RGS7: variants seen among roughly 807,000 people sequenced by gnomAD.
RGS7 encodes the protein regulator of G protein signaling 7.
In RGS7, 27 loss-of-function variants were observed where a neutral mutation model predicts 81.1. The observed-to-expected ratio is 0.33, with a 90% CI of 0.25 to 0.46. The LOEUF (loss-of-function observed/expected upper bound fraction) is 0.46. Among genes scored for constraint, RGS7 ranks in the 20% least tolerant of loss-of-function variants. RGS7 has a pLI of 1.00. For missense variants in RGS7, 396 were observed against 607.4 expected (o/e 0.65, Z 3.66); for synonymous variants, 208 against 207.7 (o/e 1.00, Z -0.01).
chr1:241,118,333 T>C (rs142285690), intron 2 of RGS7, among the ~76,000 whole-genome samples: 113 of 152,342 alleles, frequency 7.4e-4, no homozygotes, highest in African/African-American at 2.5e-3. Flanking sequence ...TCTCATTTTA[T>C]TTAATGCCAA....
chr1:241,096,010 G>A (rs1161829982), intron 3 of RGS7, among the ~76,000 whole-genome samples: 2 of 152,282 alleles, frequency 1.3e-5, no homozygotes, highest in East Asian at 1.9e-4. Flanking sequence ...CAACATTTGC[G>A]ATCCTTCCTT....
chr1:240,833,686 A>C lies in RGS7; in HGVS notation c.610-6514T>G, dbSNP rs114786455. The stretch of plus-strand genomic sequence containing the variant: ...ATACAGTACAAGTTATAAAAACTGC[A>C]TGCATGATCCATAGTACCCCAGTAA... On this transcript the variant is annotated intron_variant, in intron 9 of 18. Transcript: ENST00000440928. Among the ~76,000 whole-genome samples the C allele has an allele frequency of 4.7e-3, 710 of 152,318 alleles. 9 individuals are homozygous for C. Among genetic ancestry groups the C allele is most frequent in the African/African-American group, 0.017 (688 of 41,570 alleles).
chr1:241,133,617 GA>G (rs2067280195), intron 2 of RGS7, among the ~76,000 whole-genome samples: 1 of 152,024 alleles, frequency 6.6e-6, no homozygotes, highest in Admixed American at 6.6e-5. Context: ...AATTTGAATT[GA>G]AAAATATAGT....
At chr1:241,083,102 G>C (rs533144226) in intron 3 of RGS7, among the ~76,000 whole-genome samples, 97 of 151,830 alleles carry the variant, frequency 6.4e-4, no homozygotes, top group Non-Finnish European at 1.2e-3. Context: ...GTACCTGCTT[G>C]TAATCCCAGC....
chr1:240,888,716 T>C (rs1420136536), intron 6 of RGS7, among the ~76,000 whole-genome samples: 1 of 152,048 alleles, frequency 6.6e-6, no homozygotes, highest in African/African-American at 2.4e-5. Flanking sequence ...ACTTTCCCAT[T>C]TTGCTGATGA....
At chr1:241,170,209 G>A (rs1387444228) in intron 2 of RGS7, among the ~76,000 whole-genome samples, 1 of 152,036 alleles carries the variant, frequency 6.6e-6, no homozygotes, top group African/African-American at 2.4e-5. Context: ...ATGTGTTCCA[G>A]TCACCACTCC....
intron 2 of RGS7, among the ~76,000 whole-genome samples, chr1:241,279,478 A>G (rs1401862506): frequency 6.6e-6 from 1 of 152,212 alleles, no homozygotes; most frequent in Non-Finnish European, 1.5e-5. Flanking sequence ...CCTATGTCCT[A>G]TATATTTTTT....
chr1:240,849,134 A>G (rs1200327847), intron 9 of RGS7, among the ~76,000 whole-genome samples: 1 of 152,182 alleles, frequency 6.6e-6, no homozygotes, highest in Non-Finnish European at 1.5e-5. Context: ...GAATAATTCT[A>G]TCATGTGGTG....
At chr1:240,813,806 T>A in intron 12 of RGS7, 78 bp from the exon 13 acceptor site, 1 of 902,390 alleles carries the variant, frequency 1.1e-6, no homozygotes. Context: ...GAAAACAATA[T>A]AAAAATGTGG....
intron 2 of RGS7, among the ~76,000 whole-genome samples, chr1:241,239,061 C>G (rs1417256096): frequency 3.3e-5 from 5 of 150,770 alleles, no homozygotes; most frequent in African/African-American, 1.2e-4. Flanking sequence ...CTCCGCCTCC[C>G]GGGTTCAAGC....
chr1:241,317,437 T>G (rs1023703041), intron 2 of RGS7, among the ~76,000 whole-genome samples: 1 of 152,210 alleles, frequency 6.6e-6, no homozygotes, highest in East Asian at 1.9e-4. Flanking sequence ...TTAGAATTAT[T>G]TGGAGCCAAA....
chr1:241,082,982 T>A (rs924391970), intron 3 of RGS7, among the ~76,000 whole-genome samples: 1 of 152,134 alleles, frequency 6.6e-6, no homozygotes, highest in Non-Finnish European at 1.5e-5. Context: ...CCCAGCACTT[T>A]GGGAGGCCAA....
At chr1:241,111,904 T>C (rs2065538600) in intron 2 of RGS7, among the ~76,000 whole-genome samples, 1 of 152,244 alleles carries the variant, frequency 6.6e-6, no homozygotes, top group Non-Finnish European at 1.5e-5. Flanking sequence ...TCTGTCATCA[T>C]GTGTTCAGTG....
At chr1:241,285,004 G>A (rs925772500) in intron 2 of RGS7, among the ~76,000 whole-genome samples, 1 of 152,084 alleles carries the variant, frequency 6.6e-6, no homozygotes, top group Non-Finnish European at 1.5e-5. Flanking sequence ...CCAAGTAGCT[G>A]AGACTACAGG....
chr1:241,190,293 G>C (rs2072538023), intron 2 of RGS7, among the ~76,000 whole-genome samples: 1 of 152,000 alleles, frequency 6.6e-6, no homozygotes, highest in Non-Finnish European at 1.5e-5. Flanking sequence ...TTTCAAAATT[G>C]TTTTAGCTAT....
At chr1:241,095,526 G>T (rs776454303) in intron 3 of RGS7, among the ~76,000 whole-genome samples, 1 of 152,076 alleles carries the variant, frequency 6.6e-6, no homozygotes, top group African/African-American at 2.4e-5. Context: ...ATGGTGGCAG[G>T]TGCCTGTGGT....
chr1:240,866,979 A>G (rs1331933254), intron 9 of RGS7, among the ~76,000 whole-genome samples: 1 of 152,228 alleles, frequency 6.6e-6, no homozygotes, highest in African/African-American at 2.4e-5. Flanking sequence ...ACAGGAACAT[A>G]ACACATTGAC....
rs753495650 is a variant in RGS7, at chr1:240,870,040, G to A, written c.450+15C>T. 2 of 1,611,472 alleles carry A rather than the reference G, an allele frequency of 1.2e-6. No individual in the cohort carries two copies. The highest frequency in any genetic ancestry group is 1.7e-6 in the Non-Finnish European group (2 of 1,177,682). On this transcript the variant is annotated intron_variant, in intron 7 of 18. Transcript: ENST00000440928. The stretch of plus-strand genomic sequence containing the variant: ...ATTCTATGACTATCTTTGCCAGAAG[G>A]TCCTTGGTACTTACAGCCTCATAGT...
chr1:240,851,174 T>C (rs1263315424), intron 9 of RGS7, among the ~76,000 whole-genome samples: 1 of 152,220 alleles, frequency 6.6e-6, no homozygotes, highest in Non-Finnish European at 1.5e-5. Flanking sequence ...AAGGACAGGC[T>C]GACTCTCTTG....
Sources: allele counts gnomAD v4.1 joint callset (sites outside exome capture counted in the v4.1 genomes callset), GRCh38; gene constraint gnomAD v4.1.1; transcripts MANE v1.5; gene names NCBI Gene and HGNC (gene_info 2026-07-23, HGNC 2026-07-21).